The following TAFA1 variants were observed in gnomAD, a reference collection of about 807,000 sequenced individuals.
The protein encoded by TAFA1 is chemokine-like protein TAFA-1.
A neutral mutation model predicts 18.5 loss-of-function variants in TAFA1; 4 were observed. The observed-to-expected ratio is 0.22, with a 90% CI of 0.11 to 0.49. The LOEUF is 0.49. TAFA1 is among the 20% of genes least tolerant of loss of function. The pLI is 0.98. For missense variants in TAFA1, 147 were observed against 169.0 expected, an observed-to-expected ratio of 0.87 and a Z score of 0.72; for synonymous variants, 56 against 55.2, an observed-to-expected ratio of 1.01 and a Z score of -0.06.
At chr3:68,063,126 C>T (rs183976588) in intron 2 of TAFA1, among the ~76,000 whole-genome samples, 5 of 152,200 alleles carry the variant, frequency 3.3e-5, no homozygotes, top group Admixed American at 2.0e-4. Flanking sequence ...AAGAGAAGTT[C>T]GAAATCTGGG....
At chr3:68,237,197 G>A (rs2107128354) in intron 2 of TAFA1, among the ~76,000 whole-genome samples, 1 of 152,272 alleles carries the variant, frequency 6.6e-6, no homozygotes, top group African/African-American at 2.4e-5. Flanking sequence ...GTCTGGTGAA[G>A]GCCTGCCTTC....
intron 3 of TAFA1, among the ~76,000 whole-genome samples, chr3:68,427,654 A>ACC (rs375182314): frequency 4.6e-5 from 7 of 150,906 alleles, no homozygotes; most frequent in African/African-American, 1.7e-4. Context: ...AAAACCTACC[A>ACC]CCCCCCCCAT....
intron 2 of TAFA1, among the ~76,000 whole-genome samples, chr3:68,013,091 A>T (rs531349590): frequency 8.1e-4 from 124 of 152,260 alleles, no homozygotes; most frequent in African/African-American, 2.8e-3. Flanking sequence ...GGGCCAAGAT[A>T]ATTCTGGAAT....
chr3:68,378,907 T>G (rs1390644929), intron 2 of TAFA1, among the ~76,000 whole-genome samples: 1 of 152,224 alleles, frequency 6.6e-6, no homozygotes, highest in Non-Finnish European at 1.5e-5. Flanking sequence ...GCCACGTTTC[T>G]AAGTTTCCTA....
intron 2 of TAFA1, among the ~76,000 whole-genome samples, chr3:68,216,221 G>A (rs769846255): frequency 1.3e-5 from 2 of 151,968 alleles, no homozygotes; most frequent in Non-Finnish European, 2.9e-5. Flanking sequence ...TGCTCTGTAC[G>A]ATAGTCTAAT....
the TAFA1 span, among the ~76,000 whole-genome samples, chr3:67,997,930 G>A: frequency 2.6e-5 from 4 of 151,978 alleles, no homozygotes; most frequent in Non-Finnish European, 5.9e-5. Flanking sequence ...GATTGGTTAA[G>A]TGGATTAAGA....
chr3:68,080,179 C>T (rs1472420196), intron 2 of TAFA1, among the ~76,000 whole-genome samples: 1 of 152,128 alleles, frequency 6.6e-6, no homozygotes, highest in Non-Finnish European at 1.5e-5. Context: ...GATCTTCCTC[C>T]ATCCTTTTAT....
At chr3:68,131,379 G>A (rs2065534901) in intron 2 of TAFA1, among the ~76,000 whole-genome samples, 2 of 152,164 alleles carry the variant, frequency 1.3e-5, no homozygotes, top group African/African-American at 4.8e-5. Flanking sequence ...TGTCAGAGCT[G>A]TTTAGGCTGG....
Position 68,423,993 on chromosome 3 carries a change from A to G in TAFA1, c.259+6573A>G, listed in dbSNP as rs532100849. On this transcript the variant is annotated intron_variant, in intron 3 of 4. Coordinates refer to ENST00000478136, the MANE Select transcript of TAFA1 (RefSeq NM_213609.4). ...TCTTATACTGGATCACCAGCAAGAG[A>G]AAGTGTTAACAAAAAGGCCAGGTTA... Among the ~76,000 whole-genome samples the G allele has an allele frequency of 3.9e-5, 6 of 152,172 alleles. No individual in the cohort carries two copies. The South Asian group carries it at 1.2e-3, about 32-fold the overall frequency.
chr3:68,498,850 T>C lies in TAFA1; in HGVS notation c.260-39906T>C, dbSNP rs559532447. Among the ~76,000 whole-genome samples the C allele has an allele frequency of 7.5e-4, 113 of 150,786 alleles. No individual in the cohort carries two copies. The Middle Eastern group carries it at 0.01, about 14-fold the overall frequency. ...TATAGAGGGTTGGCTGCCAGCGTGATTGACTAAAATGGTCTTCAGGGACTT... is the reference window on the plus strand; with the variant it reads ...TATAGAGGGTTGGCTGCCAGCGTGACTGACTAAAATGGTCTTCAGGGACTT... On this transcript the variant is annotated intron_variant, in intron 3 of 4. Transcript: ENST00000478136.
intron 2 of TAFA1, among the ~76,000 whole-genome samples, chr3:68,125,672 C>A (rs755689076): frequency 2.4e-4 from 37 of 152,194 alleles, no homozygotes; most frequent in Admixed American, 9.8e-4. Flanking sequence ...AAGACACTGT[C>A]TCTGGTGTCC....
intron 2 of TAFA1, among the ~76,000 whole-genome samples, chr3:68,091,243 T>A (rs1197232166): frequency 6.6e-6 from 1 of 152,206 alleles, no homozygotes; most frequent in African/African-American, 2.4e-5. Flanking sequence ...TTTAAATAGG[T>A]TGGCAGTTAT....
chr3:68,281,133 T>C (rs921805258), intron 2 of TAFA1, among the ~76,000 whole-genome samples: 1 of 152,144 alleles, frequency 6.6e-6, no homozygotes, highest in African/African-American at 2.4e-5. Context: ...TAATTTTTTA[T>C]TTACATTGTT....
chr3:68,010,988 T>A (rs1288783447), intron 2 of TAFA1, among the ~76,000 whole-genome samples: 1 of 152,076 alleles, frequency 6.6e-6, no homozygotes, highest in African/African-American at 2.4e-5. Flanking sequence ...AATCACCAGG[T>A]TTTTTTGTGT....
chr3:68,264,700 G>GTCTT lies in TAFA1; in HGVS notation c.119-152579_119-152578insCTTT, dbSNP rs1559587698. On this transcript the variant is annotated intron_variant, in intron 2 of 4. Transcript: ENST00000478136. Reference sequence around the variant, plus strand: ...TTATCAATGAAAGTCTTTATAGAAAGTATATATAGATAATTTCTATAAAGA... The same window carrying GTCTT: ...TTATCAATGAAAGTCTTTATAGAAAGTCTTTATATATAGATAATTTCTATAAAGA... Among the ~76,000 whole-genome samples, 155 of 95,668 alleles carry GTCTT rather than the reference G, an allele frequency of 1.6e-3. 2 individuals are homozygous for GTCTT. The highest frequency in any genetic ancestry group is 7.9e-3 in the African/African-American group (149 of 18,798). 62.8% of individuals were successfully genotyped at this position (95,668 alleles called of 152,430 possible). A position where few individuals can be genotyped will look rare whatever the true frequency, so the allele number is the denominator to read the frequency against.
intron 2 of TAFA1, among the ~76,000 whole-genome samples, chr3:68,289,018 G>A (rs1491733): frequency 0.67 from 101,188 of 152,082 alleles, 34,511 homozygotes; most frequent in East Asian, 0.9. Context: ...CATTTTTGTA[G>A]CATTTATTGA....
rs116129350 is a variant in TAFA1, at chr3:68,523,126, A to G, written c.260-15630A>G. Reference sequence around the variant, plus strand: ...ACTTGAAAGAAGTGTATGTGTGTCTATGGGATGAGTGAATGGAATGCCAGG... The same window carrying G: ...ACTTGAAAGAAGTGTATGTGTGTCTGTGGGATGAGTGAATGGAATGCCAGG... On this transcript the variant is annotated intron_variant, in intron 3 of 4. Coordinates refer to ENST00000478136, the MANE Select transcript of TAFA1 (RefSeq NM_213609.4). 8.9e-3 allele frequency among the ~76,000 whole-genome samples: 1,355 copies of G among 152,270 alleles called. 19 individuals carry two copies. The highest frequency in any genetic ancestry group is 0.031 in the African/African-American group (1,308 of 41,548).
intron 2 of TAFA1, among the ~76,000 whole-genome samples, chr3:68,211,213 A>C (rs533948272): frequency 6.6e-6 from 1 of 152,180 alleles, no homozygotes; most frequent in African/African-American, 2.4e-5. Flanking sequence ...GTGTGGGGGA[A>C]GACTGCACAA....
At chr3:68,004,945 C>A (rs1239268984) in intron 1 of TAFA1, among the ~76,000 whole-genome samples, 1 of 151,818 alleles carries the variant, frequency 6.6e-6, no homozygotes, top group Admixed American at 6.6e-5. Flanking sequence ...CACAGTAATC[C>A]TTTTGAGTGG....
Sources: allele counts gnomAD v4.1 joint callset (sites outside exome capture counted in the v4.1 genomes callset), GRCh38; gene constraint gnomAD v4.1.1; transcripts MANE v1.5; gene names NCBI Gene and HGNC (gene_info 2026-07-23, HGNC 2026-07-21).